Variants in DDX10 observed in about 807,000 individuals in gnomAD.
DDX10 encodes probable ATP-dependent RNA helicase DDX10.
In DDX10, 74 loss-of-function variants were observed where a neutral mutation model predicts 104.3. That is an observed-to-expected ratio of 0.71 (90% confidence interval 0.59 to 0.86). The LOEUF (loss-of-function observed/expected upper bound fraction) is 0.86, where lower values mean the gene tolerates loss of function less well. Among genes scored for constraint, DDX10 ranks in the 40% least tolerant of loss-of-function variants. DDX10 has a pLI of 0.00. For missense variants in DDX10, 952 were observed against 1,040.0 expected, an observed-to-expected ratio of 0.92 and a Z score of 1.16; for synonymous variants, 351 against 353.4, an observed-to-expected ratio of 0.99 and a Z score of 0.08.
At chr11:108,689,188 G>T in intron 7 of DDX10, 126 bp downstream of exon 7, 1 of 961,292 alleles carries the variant, frequency 1.0e-6, no homozygotes, top group Non-Finnish European at 1.6e-6. Flanking sequence ...GATCTTTCGT[G>T]TCCTTGTTGC....
At chr11:108,747,070 A>T (rs1186041205) in intron 13 of DDX10, among the ~76,000 whole-genome samples, 1 of 152,182 alleles carries the variant, frequency 6.6e-6, no homozygotes, top group African/African-American at 2.4e-5. Flanking sequence ...GTGACTGGGT[A>T]GAATTGAACA....
At chr11:108,831,421 C>CAAGAA (rs1862469783) in intron 13 of DDX10, among the ~76,000 whole-genome samples, 1 of 69,818 alleles carries the variant, frequency 1.4e-5, no homozygotes, top group African/African-American at 6.5e-5. Flanking sequence ...GAGACTGTCT[C>CAAGAA]AAAAAAAAAA....
intron 13 of DDX10, among the ~76,000 whole-genome samples, chr11:108,743,828 G>A (rs987260464): frequency 4.6e-5 from 7 of 152,184 alleles, no homozygotes; most frequent in African/African-American, 7.2e-5. Context: ...CAGTGCCAGC[G>A]CAAGTGCTCC....
At chr11:108,913,050 G>A (rs537378399) in intron 16 of DDX10, among the ~76,000 whole-genome samples, 143 of 152,236 alleles carry the variant, frequency 9.4e-4, no homozygotes, top group African/African-American at 3.2e-3. Flanking sequence ...AGGTAAAAAC[G>A]AGGATGGTTC....
chr11:108,677,522 G>T (rs1186710735), intron 4 of DDX10, among the ~76,000 whole-genome samples: 2 of 151,670 alleles, frequency 1.3e-5, no homozygotes, highest in Non-Finnish European at 2.9e-5. Flanking sequence ...GATATTCATT[G>T]GGAAAGATAT....
chr11:108,876,803 A>C (rs1481172155), intron 16 of DDX10, among the ~76,000 whole-genome samples: 1 of 151,896 alleles, frequency 6.6e-6, no homozygotes. Context: ...CCTTTTTTTG[A>C]TTATCTTAGA....
At chr11:108,870,077 G>C (rs962575520) in intron 16 of DDX10, among the ~76,000 whole-genome samples, 2 of 152,060 alleles carry the variant, frequency 1.3e-5, no homozygotes, top group East Asian at 3.9e-4. Context: ...AGAAATCTGC[G>C]TAAGGGGTAT....
At chr11:108,685,175 A>G (rs2094241765) in intron 6 of DDX10, among the ~76,000 whole-genome samples, 1 of 151,518 alleles carries the variant, frequency 6.6e-6, no homozygotes, top group Non-Finnish European at 1.5e-5. Flanking sequence ...GATGGTAGCA[A>G]TCAGCGCGAT....
chr11:108,813,928 G>A (rs1458631149), intron 13 of DDX10, among the ~76,000 whole-genome samples: 1 of 152,082 alleles, frequency 6.6e-6, no homozygotes, highest in Non-Finnish European at 1.5e-5. Context: ...TGTTTATAAT[G>A]TTTAAATATA....
At chr11:108,694,102 C>T (rs1485739227) in intron 9 of DDX10, among the ~76,000 whole-genome samples, 2 of 152,152 alleles carry the variant, frequency 1.3e-5, no homozygotes, top group Admixed American at 6.5e-5. Flanking sequence ...GATGGTGTGA[C>T]ATTTTATCAG....
intron 8 of DDX10, among the ~76,000 whole-genome samples, chr11:108,692,713 C>T (rs2094254541): frequency 6.6e-6 from 1 of 152,140 alleles, no homozygotes; most frequent in African/African-American, 2.4e-5. Flanking sequence ...AATCCTCCCC[C>T]TGTCCCTCTT....
intron 15 of DDX10, among the ~76,000 whole-genome samples, chr11:108,842,061 TA>T (rs1862646019): frequency 6.6e-6 from 1 of 152,234 alleles, no homozygotes; most frequent in African/African-American, 2.4e-5. Context: ...AATTACTTGA[TA>T]ATACATTAAA....
intron 13 of DDX10, among the ~76,000 whole-genome samples, chr11:108,747,101 C>CAT (rs542737460): frequency 1.8e-3 from 272 of 151,942 alleles, no homozygotes; most frequent in African/African-American, 6.0e-3. Context: ...GGGGTCTGAA[C>CAT]ATATATATAT....
intron 13 of DDX10, among the ~76,000 whole-genome samples, chr11:108,825,089 C>A (rs1457330530): frequency 1.3e-5 from 2 of 152,116 alleles, no homozygotes; most frequent in African/African-American, 4.8e-5. Flanking sequence ...CAGAAATTTA[C>A]ATGTTATCTA....
chr11:108,721,684 A>G (rs1261810173), intron 12 of DDX10, among the ~76,000 whole-genome samples: 2 of 152,116 alleles, frequency 1.3e-5, no homozygotes, highest in Admixed American at 6.5e-5. Context: ...GAGGTATGTA[A>G]TTTCCTTTAG....
At chr11:108,728,683 T>G (rs1194935034) in intron 13 of DDX10, among the ~76,000 whole-genome samples, 1 of 151,944 alleles carries the variant, frequency 6.6e-6, no homozygotes. Context: ...CCTGGGTAAT[T>G]TTTAAAAATT....
intron 13 of DDX10, among the ~76,000 whole-genome samples, chr11:108,756,794 G>A (rs1346889032): frequency 6.6e-6 from 1 of 151,918 alleles, no homozygotes. Flanking sequence ...TGCCCATTAG[G>A]CTTTTGGCTA....
chr11:108,865,317 A>G (rs1862995541), intron 16 of DDX10, among the ~76,000 whole-genome samples: 2 of 152,134 alleles, frequency 1.3e-5, no homozygotes, highest in South Asian at 4.1e-4. Flanking sequence ...CCAGGACTAT[A>G]TATCCTGTGG....
chr11:108,792,778 A>G (rs1168122506), intron 13 of DDX10, among the ~76,000 whole-genome samples: 1 of 152,164 alleles, frequency 6.6e-6, no homozygotes, highest in Non-Finnish European at 1.5e-5. Flanking sequence ...TTTAATTACT[A>G]TGAAAAGATT....
Sources: allele counts gnomAD v4.1 joint callset (sites outside exome capture counted in the v4.1 genomes callset), GRCh38; gene constraint gnomAD v4.1.1; transcripts MANE v1.5; gene names NCBI Gene and HGNC (gene_info 2026-07-23, HGNC 2026-07-21).